Variants in KLF17 observed in about 807,000 individuals in gnomAD.
KLF17 encodes the protein KLF transcription factor 17, also known as Krueppel-like factor 17.
In KLF17, 31 loss-of-function variants were observed where a neutral mutation model predicts 34.2. That is an observed-to-expected ratio of 0.91 (90% CI 0.68 to 1.22). The LOEUF is 1.22. KLF17 is among the 50% of genes most tolerant of loss of function. KLF17 has a pLI of 0.00. For missense variants in KLF17, 478 were observed against 505.2 expected (o/e 0.95, Z 0.52); for synonymous variants, 179 against 186.7 (o/e 0.96, Z 0.34).
At chr1:44,071,018 C>T in the KLF17 span, among the ~76,000 whole-genome samples, 9 of 152,244 alleles carry the variant, frequency 5.9e-5, no homozygotes, top group Non-Finnish European at 1.2e-4. Flanking sequence ...GCCCTGCGGT[C>T]AAACCTCTTC....
the KLF17 span, among the ~76,000 whole-genome samples, chr1:44,080,388 A>G: frequency 1.1e-4 from 16 of 150,338 alleles, no homozygotes; most frequent in East Asian, 4.0e-4. Flanking sequence ...GCAGGCGCCC[A>G]CCACCACCCC....
At chr1:44,080,106 T>A in the KLF17 span, among the ~76,000 whole-genome samples, 1 of 151,940 alleles carries the variant, frequency 6.6e-6, no homozygotes, top group African/African-American at 2.4e-5. Context: ...TTTTTGTATT[T>A]TTAGTAGAGA....
At chr1:44,132,412 C>G (rs551379114) in intron 3 of KLF17, among the ~76,000 whole-genome samples, 1 of 152,094 alleles carries the variant, frequency 6.6e-6, no homozygotes, top group African/African-American at 2.4e-5. Context: ...ATGGCACCAA[C>G]TCTCCAAAAC....
At chr1:44,112,839 A>C in the KLF17 span, among the ~76,000 whole-genome samples, 1 of 152,182 alleles carries the variant, frequency 6.6e-6, no homozygotes, top group African/African-American at 2.4e-5. Flanking sequence ...AAAGAGACTT[A>C]TGTTCATGTC....
chr1:44,083,747 T>C, the KLF17 span, among the ~76,000 whole-genome samples: 3 of 140,196 alleles, frequency 2.1e-5, no homozygotes, highest in Admixed American at 1.6e-4. Flanking sequence ...TGAGCCAAGA[T>C]GGCACCACTG....
At chr1:44,099,833 GAAAGAAAGAAAGAAAGA>G in the KLF17 span, among the ~76,000 whole-genome samples, 1 of 11,860 alleles carries the variant, frequency 8.4e-5, no homozygotes, top group African/African-American at 6.8e-4. Flanking sequence ...AAAGAAGAAA[GAAAGAAAGAAAGAAAGA>G]AAGAAAGAAA....
chr1:44,079,146 C>T, the KLF17 span, among the ~76,000 whole-genome samples: 1 of 152,048 alleles, frequency 6.6e-6, no homozygotes, highest in African/African-American at 2.4e-5. Context: ...AATTCATGGG[C>T]AGCTCTATTC....
upstream of KLF17, chr1:44,114,452 C>T (rs2087862079): frequency 6.6e-6 from 1 of 152,210 alleles, no homozygotes; most frequent in Non-Finnish European, 1.5e-5. Context: ...GGAAATGGGA[C>T]GTCGGGGTGC....
At chr1:44,109,259 G>A in the KLF17 span, among the ~76,000 whole-genome samples, 1 of 152,202 alleles carries the variant, frequency 6.6e-6, no homozygotes, top group Non-Finnish European at 1.5e-5. Context: ...AAGGGGCTTT[G>A]TCCTGATTGG....
the KLF17 span, among the ~76,000 whole-genome samples, chr1:44,112,451 G>C: frequency 6.6e-6 from 1 of 151,744 alleles, no homozygotes; most frequent in East Asian, 1.9e-4. Context: ...TTTTGTCCAG[G>C]CTGGAGTACA....
At chr1:44,125,369 C>G (rs2087995559) in intron 1 of KLF17, among the ~76,000 whole-genome samples, 1 of 152,156 alleles carries the variant, frequency 6.6e-6, no homozygotes, top group African/African-American at 2.4e-5. Context: ...CTTTTAGTGT[C>G]CAAGGTTTTT....
chr1:44,111,036 G>A, the KLF17 span, among the ~76,000 whole-genome samples: 4 of 152,054 alleles, frequency 2.6e-5, no homozygotes, highest in Non-Finnish European at 4.4e-5. Flanking sequence ...ACCCAGGTTG[G>A]AATGCAGTGG....
At chr1:44,114,771 T>C (rs2087864476), upstream of KLF17, 2 of 152,238 alleles carry the variant, frequency 1.3e-5, no homozygotes. Flanking sequence ...GATTTTTAAA[T>C]ACTGTTGAAA....
the KLF17 span, among the ~76,000 whole-genome samples, chr1:44,109,897 C>CTTT: frequency 7.9e-4 from 61 of 77,186 alleles, no homozygotes; most frequent in African/African-American, 2.6e-3. Flanking sequence ...CTTTTTTATA[C>CTTT]TTTTTTTTTT....
chr1:44,122,564 C>G (rs760112746), intron 1 of KLF17: 1 of 770,586 alleles, frequency 1.3e-6, no homozygotes, highest in Admixed American at 1.9e-5. Context: ...ATCCAACAAC[C>G]GAATACTGAC....
the KLF17 span, among the ~76,000 whole-genome samples, chr1:44,059,838 G>C: frequency 1.3e-5 from 2 of 151,986 alleles, no homozygotes; most frequent in African/African-American, 4.8e-5. Context: ...AGGTAAATGG[G>C]ATTCCACTTG....
the KLF17 span, among the ~76,000 whole-genome samples, chr1:44,061,428 G>A: frequency 6.6e-6 from 1 of 152,196 alleles, no homozygotes; most frequent in Non-Finnish European, 1.5e-5. Flanking sequence ...ACCAGATTGA[G>A]GACTAGCTGA....
At chr1:44,081,665 C>T in the KLF17 span, among the ~76,000 whole-genome samples, 1 of 152,054 alleles carries the variant, frequency 6.6e-6, no homozygotes, top group Non-Finnish European at 1.5e-5. Context: ...AAGTGATCCA[C>T]CTGCCTCAGA....
the KLF17 span, among the ~76,000 whole-genome samples, chr1:44,071,014 C>A: frequency 2.6e-5 from 4 of 152,154 alleles, no homozygotes; most frequent in Non-Finnish European, 5.9e-5. Context: ...TTCAGCCCTG[C>A]GGTCAAACCT....
Sources: allele counts gnomAD v4.1 joint callset (sites outside exome capture counted in the v4.1 genomes callset), GRCh38; gene constraint gnomAD v4.1.1; transcripts MANE v1.5; gene names NCBI Gene and HGNC (gene_info 2026-07-23, HGNC 2026-07-21).